The following CRYBB1 variants were observed in gnomAD, a reference collection of about 807,000 sequenced individuals.
The protein encoded by CRYBB1 is beta-crystallin B1.
A neutral mutation model predicts 29.5 loss-of-function variants in CRYBB1; 16 were observed. That is an observed-to-expected ratio of 0.54 (90% CI 0.37 to 0.82). The LOEUF (loss-of-function observed/expected upper bound fraction) is 0.82. CRYBB1 is among the 40% of genes least tolerant of loss of function. The probability of loss-of-function intolerance (pLI) is 0.00; values close to 1 mark genes in which losing one functional copy is unlikely to be tolerated. For synonymous variants in CRYBB1, 127 were observed against 136.7 expected (o/e 0.93, Z 0.49); for missense variants, 300 against 350.5 (o/e 0.86, Z 1.15).
intron 2 of CRYBB1, among the ~76,000 whole-genome samples, chr22:26,612,485 C>A (rs758105418): frequency 2.0e-5 from 3 of 152,192 alleles, no homozygotes; most frequent in Non-Finnish European, 4.4e-5. Flanking sequence ...ACCTCAGCCT[C>A]CGAGTAGTTG....
chr22:26,607,561 A>AG (rs1929019708), intron 4 of CRYBB1, among the ~76,000 whole-genome samples: 2 of 23,784 alleles, frequency 8.4e-5, no homozygotes, highest in Non-Finnish European at 2.0e-4. Context: ...CATCTTTGGG[A>AG]AAAAAAAAAA....
intron 2 of CRYBB1, among the ~76,000 whole-genome samples, chr22:26,612,964 G>C (rs797008204): frequency 7.2e-5 from 11 of 152,228 alleles, no homozygotes; most frequent in African/African-American, 2.6e-4. Flanking sequence ...AGTCACTGCT[G>C]TTTTGCTTTG....
rs1200623156 is a variant in CRYBB1 at position 26,599,457 on chromosome 22, G to C, written c.*33C>G. On this transcript the variant is annotated 3_prime_UTR_variant, in exon 6 of 6. Coordinates refer to ENST00000647684, the MANE Select transcript of CRYBB1 (RefSeq NM_001887.4). ...GGGGAAATAATTGAACATGAAGAAG[G>C]GTTGGGGCAAGGTAGCAGAGTGAGG... 1.9e-6 allele frequency: 3 copies of C among 1,583,906 alleles called. No homozygotes were observed. Among genetic ancestry groups the C allele is most frequent in the South Asian group, 2.2e-5 (2 of 89,896 alleles).
chr22:26,603,746 A>C (rs1468042716), intron 4 of CRYBB1, among the ~76,000 whole-genome samples: 1 of 112,814 alleles, frequency 8.9e-6, no homozygotes, highest in Non-Finnish European at 1.8e-5. Context: ...TCTACTAAAA[A>C]TACAAAATAA....
rs879003368 is a variant in CRYBB1 at position 26,607,880 on chromosome 22, G to A, written c.432+9C>T. The A allele has an allele frequency of 3.7e-6, 6 of 1,613,986 alleles. No individual in the cohort carries two copies. The South Asian group carries it at 4.4e-5, about 12-fold the overall frequency. ...CTGATTCTCCAGCCCCAGCCGGAGA[G>A]CCACTCACCATTTTGATGGGCCGGA... On this transcript the variant is annotated intron_variant, in intron 4 of 5. Transcript: ENST00000647684.
chr22:26,604,923 C>T (rs1928929545), intron 4 of CRYBB1, among the ~76,000 whole-genome samples: 1 of 152,190 alleles, frequency 6.6e-6, no homozygotes, highest in Non-Finnish European at 1.5e-5. Context: ...TGAGACCCTA[C>T]AAGACCCTGG....
Position 26,613,387 on chromosome 22 carries a change from C to T in CRYBB1, c.181-1197G>A, listed in dbSNP as rs182420130. 6.6e-5 allele frequency among the ~76,000 whole-genome samples: 10 copies of T among 152,264 alleles called. No individual in the cohort carries two copies. In the East Asian group the frequency reaches 9.6e-4, roughly 15 times the overall value. On this transcript the variant is annotated intron_variant, in intron 2 of 5. Coordinates refer to ENST00000647684, the MANE Select transcript of CRYBB1 (RefSeq NM_001887.4). ...AAGAGAAACTCCTGTATGTGTGCCC[C>T]GGGATGTTGCGGGAAGTCAGGGACC...
intron 5 of CRYBB1, among the ~76,000 whole-genome samples, chr22:26,599,988 A>G (rs1928770203): frequency 6.6e-6 from 1 of 152,202 alleles, no homozygotes; most frequent in Admixed American, 6.5e-5. Flanking sequence ...GAATATGAAT[A>G]CACATCCCAT....
Position 26,603,092 on chromosome 22 carries a change from C to T in CRYBB1, c.433-1071G>A, listed in dbSNP as rs1215545685. Among the ~76,000 whole-genome samples, 3 of 139,170 alleles carry T rather than the reference C, an allele frequency of 2.2e-5. No individual in the cohort carries two copies. The East Asian group carries it at 6.4e-4, about 30-fold the overall frequency. 91.3% of individuals were successfully genotyped at this position (139,170 alleles called of 152,430 possible). On this transcript the variant is annotated intron_variant, in intron 4 of 5. Coordinates refer to ENST00000647684, the MANE Select transcript of CRYBB1 (RefSeq NM_001887.4). ...GTGAGCCGAGATCGTGCCACTTGCA[C>T]ACCAACCTGGGCAACAGAGCGAGAC... is the stretch of plus-strand genomic sequence containing the variant.
intron 4 of CRYBB1, among the ~76,000 whole-genome samples, chr22:26,607,258 G>A (rs1415431283): frequency 4.0e-5 from 6 of 151,850 alleles, no homozygotes; most frequent in Admixed American, 6.6e-5. Context: ...CCTGACCTTG[G>A]GTAACCACCC....
chr22:26,609,653 T>C (rs1321512911), intron 3 of CRYBB1, among the ~76,000 whole-genome samples: 2 of 152,122 alleles, frequency 1.3e-5, no homozygotes, highest in African/African-American at 4.8e-5. Flanking sequence ...AATAGACGAA[T>C]GGGTAGATGC....
chr22:26,600,267 T>C (rs1928780487), intron 5 of CRYBB1, among the ~76,000 whole-genome samples: 1 of 152,020 alleles, frequency 6.6e-6, no homozygotes, highest in African/African-American at 2.4e-5. Flanking sequence ...CAGGGTGTGG[T>C]GGTGGGCACC....
At chr22:26,612,026 AT>A in intron 3 of CRYBB1, 45 bp downstream of exon 3, 2 of 1,410,736 alleles carry the variant, frequency 1.4e-6, no homozygotes, top group Non-Finnish European at 1.0e-6. Flanking sequence ...TTGTGTGGTC[AT>A]TTTACTGTGG....
chr22:26,613,910 T>C (rs1370109694), intron 2 of CRYBB1, among the ~76,000 whole-genome samples: 3 of 152,186 alleles, frequency 2.0e-5, no homozygotes, highest in Non-Finnish European at 4.4e-5. Flanking sequence ...AGAAAGAGAA[T>C]GCGCACCTGG....
chr22:26,600,172 C>G (rs140312433), intron 5 of CRYBB1, among the ~76,000 whole-genome samples: 1 of 152,012 alleles, frequency 6.6e-6, no homozygotes, highest in East Asian at 1.9e-4. Context: ...GAGGCTGAGG[C>G]GGGCAAATCA....
intron 4 of CRYBB1, 85 bp downstream of exon 4, chr22:26,607,801 TCTC>T: frequency 6.3e-7 from 1 of 1,588,986 alleles, no homozygotes; most frequent in South Asian, 1.1e-5. Flanking sequence ...CCCACCATCA[TCTC>T]CTTCTTGCCC....
At chr22:26,616,601 C>G (rs139893258) in intron 1 of CRYBB1, among the ~76,000 whole-genome samples, 3 of 152,214 alleles carry the variant, frequency 2.0e-5, no homozygotes, top group Admixed American at 2.0e-4. Flanking sequence ...TCCATTACCC[C>G]GCTAGGTCCT....
At chr22:26,602,085 C>T (rs935775753) in intron 4 of CRYBB1, 64 bp from the exon 5 acceptor site, 14 of 1,596,084 alleles carry the variant, frequency 8.8e-6, no homozygotes, top group African/African-American at 1.3e-5. Context: ...AGAAACTTAG[C>T]GGGGCCTTCT....
rs1569205440 is a variant in CRYBB1, at chr22:26,607,813, C to A, written c.432+76G>T. 1.9e-6 allele frequency: 3 copies of A among 1,604,908 alleles called. No individual in the cohort carries two copies. The East Asian group carries it at 6.7e-5, about 36-fold the overall frequency. ...CTACCCACCATCATCTCCTTCTTGCCCTTGTCAGATCTCAGACTTACACCT... is the reference window on the plus strand; with the variant it reads ...CTACCCACCATCATCTCCTTCTTGCACTTGTCAGATCTCAGACTTACACCT... On this transcript the variant is annotated intron_variant, in intron 4 of 5. Transcript: ENST00000647684.
Sources: gnomAD v4.1 joint callset for allele counts (sites outside exome capture counted in the v4.1 genomes callset) on GRCh38, gnomAD v4.1.1 for gene constraint, MANE v1.5 for transcripts, NCBI Gene and HGNC (gene_info 2026-07-23, HGNC 2026-07-21) for gene names.